The following KBTBD11 variants were observed in gnomAD, a reference collection of about 807,000 sequenced individuals.
KBTBD11 encodes kelch repeat and BTB domain-containing protein 11.
For synonymous variants in KBTBD11, 747 were observed against 499.0 expected (o/e 1.50, Z -6.63); for missense variants, 1,390 against 1,001.8 (o/e 1.39, Z -5.23).
chr8:1,998,759 G>C (rs917444271), intron 1 of KBTBD11, among the ~76,000 whole-genome samples: 1 of 151,854 alleles, frequency 6.6e-6, no homozygotes, highest in Non-Finnish European at 1.5e-5. Flanking sequence ...TGATAGAGAA[G>C]TTTGTCTTAG....
chr8:1,989,584 T>TA (rs1563368859), intron 1 of KBTBD11, among the ~76,000 whole-genome samples: 1 of 152,180 alleles, frequency 6.6e-6, no homozygotes, highest in African/African-American at 2.4e-5. Context: ...TTGCATTTTT[T>TA]AAAAAATCCA....
intron 1 of KBTBD11, among the ~76,000 whole-genome samples, chr8:1,994,202 C>A (rs564291096): frequency 1.1e-4 from 17 of 152,294 alleles, no homozygotes; most frequent in African/African-American, 3.9e-4. Context: ...TACTGTTATT[C>A]CCCTAAATGA....
At chr8:1,975,341 G>C (rs577424715) in intron 1 of KBTBD11, 1 of 152,368 alleles carries the variant, frequency 6.6e-6, no homozygotes, top group East Asian at 1.9e-4. Flanking sequence ...GTGATGTGTA[G>C]CACAGCCACG....
chr8:1,990,094 G>C (rs1417847881), intron 1 of KBTBD11, among the ~76,000 whole-genome samples: 2 of 152,222 alleles, frequency 1.3e-5, no homozygotes, highest in African/African-American at 4.8e-5. Context: ...TTTATGGAAT[G>C]AAGACGCTGG....
chr8:1,992,596 T>C (rs999907550), intron 1 of KBTBD11, among the ~76,000 whole-genome samples: 1 of 151,852 alleles, frequency 6.6e-6, no homozygotes, highest in African/African-American at 2.4e-5. Context: ...TTAAAAAATG[T>C]GTAAAGAGTA....
intron 1 of KBTBD11, among the ~76,000 whole-genome samples, chr8:1,987,543 A>G (rs1232932834): frequency 1.3e-5 from 2 of 152,010 alleles, no homozygotes; most frequent in Admixed American, 6.6e-5. Context: ...ACCAGACCCC[A>G]AGCACCCCTG....
rs772567717 is a variant in KBTBD11 at position 2,002,749 on chromosome 8, G to T, written c.1557G>T (p.Pro519=). The T allele has an allele frequency of 1.3e-6, 2 of 1,494,556 alleles. No individual in the cohort carries two copies. 92.6% of individuals were successfully genotyped at this position (1,494,556 alleles called of 1,614,324 possible). The change falls in exon 2 of 2, where the codon CCG becomes CCT. Residue 519 remains proline (P), a synonymous_variant. Coordinates refer to ENST00000320248, the MANE Select transcript of KBTBD11 (RefSeq NM_014867.3). The surrounding 1 kb of genome is among the most constrained non-coding windows in gnomAD (Gnocchi z 4.1). ...GSRGEAQAAG[P]SGVSVSRYHC... ...GCGGCGAGGCGCAGGCGGCGGGGCC[G>T]AGCGGGGTCAGCGTGTCCCGATACC...
Position 1,981,541 on chromosome 8 carries a change from G to A in KBTBD11, c.-909+7606G>A, listed in dbSNP as rs73184730. Among the ~76,000 whole-genome samples, 1,051 of 152,308 alleles carry A rather than the reference G, an allele frequency of 6.9e-3. 8 individuals carry two copies. Among genetic ancestry groups the A allele is most frequent in the Non-Finnish European group, 0.01 (687 of 68,016 alleles). ...AGATTAAGGGACACCCCAATAGCTC[G>A]TAAAGTATTATTTCTGGAAGTGTCT... On this transcript the variant is annotated intron_variant, in intron 1 of 1. Transcript: ENST00000320248.
At chr8:1,977,667 G>A (rs1308304130) in intron 1 of KBTBD11, among the ~76,000 whole-genome samples, 1 of 149,348 alleles carries the variant, frequency 6.7e-6, no homozygotes, top group Non-Finnish European at 1.5e-5. Context: ...GGGATTACAG[G>A]CGCCCTCCAG....
rs992553336 is a variant in KBTBD11 at position 2,001,126 on chromosome 8, C to G, written c.-67C>G. On this transcript the variant is annotated 5_prime_UTR_variant, in exon 2 of 2. Transcript: ENST00000320248. Reference sequence around the variant, plus strand: ...AGGCTGGAAACCCCGGAGTAAGGCTCGACCTTGGCCAGACCTGCAGGCTGC... The same window carrying G: ...AGGCTGGAAACCCCGGAGTAAGGCTGGACCTTGGCCAGACCTGCAGGCTGC... The G allele has an allele frequency of 9.5e-6, 12 of 1,268,896 alleles. No individual in the cohort carries two copies. Among genetic ancestry groups the G allele is most frequent in the African/African-American group, 1.5e-5 (1 of 64,530 alleles). 78.6% of individuals were successfully genotyped at this position (1,268,896 alleles called of 1,614,324 possible).
chr8:2,002,035 G>A lies in KBTBD11; in HGVS notation c.843G>A (p.Arg281=), dbSNP rs769366491. The A allele has an allele frequency of 3.0e-6, 4 of 1,321,944 alleles. No homozygotes were observed. The highest frequency in any genetic ancestry group is 5.6e-5 in the Admixed American group (2 of 35,908). The allele number at this position is 1,321,944 out of a possible 1,614,324, so 81.9% of individuals were successfully genotyped here. A position where few individuals can be genotyped will look rare whatever the true frequency, so the allele number is the denominator to read the frequency against. Residue 281 remains arginine, a synonymous_variant, in exon 2 of 2, where the codon CGG becomes CGA. Transcript: ENST00000320248. This position sits in a 1 kb window ranked among gnomAD's most constrained non-coding sequence, Gnocchi z 4.1. The stretch of plus-strand genomic sequence containing the variant: ...TCGGCCGCCTGTCGGGCGCAGAGCG[G>A]GACCTGCTGCTGCGCCGCCGCCTGC... ...AVFGRLSGAE[R]DLLLRRRLRA...
In KBTBD11 at chr8:2,001,184, A is replaced by C. The variant is rs112371239; in HGVS notation, c.-9A>C. Reference sequence around the variant, plus strand: ...GGGGCGCGCGGGCGCAGCGCAGCACAGCCCGGCCATGGAGCACGCGGTGGC... The same window carrying C: ...GGGGCGCGCGGGCGCAGCGCAGCACCGCCCGGCCATGGAGCACGCGGTGGC... On this transcript the variant is annotated 5_prime_UTR_variant, in exon 2 of 2. Transcript: ENST00000320248. 24 of 1,337,700 alleles carry C rather than the reference A, an allele frequency of 1.8e-5. No homozygotes were observed. The Middle Eastern group carries it at 7.7e-4, about 43-fold the overall frequency. 82.9% of individuals were successfully genotyped at this position (1,337,700 alleles called of 1,614,324 possible). A position where few individuals can be genotyped will look rare whatever the true frequency, so the allele number is the denominator to read the frequency against.
At position 1,973,787 on chromosome 8, in the gene KBTBD11, G is replaced by A; in HGVS notation, c.-1057G>A. 1.0e-6 allele frequency: 1 copy of A among 983,754 alleles called. No homozygotes were observed. The highest frequency in any genetic ancestry group is 1.2e-6 in the Non-Finnish European group (1 of 829,318). 60.9% of individuals were successfully genotyped at this position (983,754 alleles called of 1,614,324 possible). The stretch of plus-strand genomic sequence containing the variant: ...CCTCTGCCGCCCACGCCCCGCTGCG[G>A]GTCGGAGGAGCAGCTCCCGCTCGCA... On this transcript the variant is annotated 5_prime_UTR_variant, in exon 1 of 2. Transcript: ENST00000320248.
intron 1 of KBTBD11, chr8:1,974,414 G>T: frequency 1.0e-6 from 1 of 984,824 alleles, no homozygotes; most frequent in Non-Finnish European, 1.2e-6. Flanking sequence ...GGGCCAGGGC[G>T]GGGGCTCCTC....
Position 1,978,106 on chromosome 8 carries a change from G to T in KBTBD11, c.-909+4171G>T, listed in dbSNP as rs138307402. Among the ~76,000 whole-genome samples, 392 of 152,304 alleles carry T rather than the reference G, an allele frequency of 2.6e-3. 1 individual carries two copies. Among genetic ancestry groups the T allele is most frequent in the African/African-American group, 9.0e-3 (375 of 41,550 alleles). Reference sequence around the variant, plus strand: ...TTGCACCTGTCAACCCATCACCTAGGTATTAAGCCCAGCAGGCATTAGCTC... The same window carrying T: ...TTGCACCTGTCAACCCATCACCTAGTTATTAAGCCCAGCAGGCATTAGCTC... On this transcript the variant is annotated intron_variant, in intron 1 of 1. Coordinates refer to ENST00000320248, the MANE Select transcript of KBTBD11 (RefSeq NM_014867.3).
chr8:1,993,520 CCCATCCA>C (rs1563372135), intron 1 of KBTBD11, among the ~76,000 whole-genome samples: 6 of 117,596 alleles, frequency 5.1e-5, no homozygotes, highest in Admixed American at 1.8e-4. Flanking sequence ...CATCCATCCA[CCCATCCA>C]TCCACCCACC....
chr8:1,987,079 A>G (rs551081721), intron 1 of KBTBD11, among the ~76,000 whole-genome samples: 8 of 150,796 alleles, frequency 5.3e-5, no homozygotes, highest in African/African-American at 1.5e-4. Context: ...GATACGGTCT[A>G]TGTGGTGAAC....
chr8:1,977,174 C>T (rs1226916989), intron 1 of KBTBD11, among the ~76,000 whole-genome samples: 1 of 152,046 alleles, frequency 6.6e-6, no homozygotes, highest in Admixed American at 6.5e-5. Context: ...CCCACGGAAG[C>T]CAAAAGATTG....
rs1209990837 is a variant in KBTBD11, at chr8:2,006,822, A to G, written c.*3758A>G. On this transcript the variant is annotated 3_prime_UTR_variant, in exon 2 of 2. Coordinates refer to ENST00000320248, the MANE Select transcript of KBTBD11 (RefSeq NM_014867.3). ...TCAGGGCAGCTGTTGTGATCTGTGT[A>G]GTTAATGTATTTATTAATGCTTGAC... The G allele has an allele frequency of 6.0e-6, 1 of 167,090 alleles. No homozygotes were observed. Among genetic ancestry groups the G allele is most frequent in the Non-Finnish European group, 1.5e-5 (1 of 68,132 alleles). 10.4% of individuals were successfully genotyped at this position (167,090 alleles called of 1,614,324 possible).
Sources: allele counts gnomAD v4.1 joint callset (sites outside exome capture counted in the v4.1 genomes callset), GRCh38; gene constraint gnomAD v4.1.1; non-coding constraint Gnocchi (gnomAD v3.1); transcripts MANE v1.5; gene names NCBI Gene and HGNC (gene_info 2026-07-23, HGNC 2026-07-21).